RAI1: variants seen among roughly 807,000 people sequenced by gnomAD.
RAI1 encodes the protein retinoic acid-induced protein 1.
Under a neutral mutation model 123.8 loss-of-function variants are expected in RAI1, and 9 were observed. The observed-to-expected ratio is 0.07, with a 90% CI of 0.04 to 0.13. RAI1 has a LOEUF of 0.13. Among genes scored for constraint, RAI1 ranks in the 10% least tolerant of loss-of-function variants. RAI1 has a pLI of 1.00. For missense variants in RAI1, 2,256 were observed against 2,545.8 expected (o/e 0.89, Z 2.45); for synonymous variants, 1,231 against 1,127.3 (o/e 1.09, Z -1.84).
chr17:17,709,002 G>T (rs1294492112), intron 1 of RAI1, among the ~76,000 whole-genome samples: 1 of 152,218 alleles, frequency 6.6e-6, no homozygotes, highest in African/African-American at 2.4e-5. Flanking sequence ...TGCAGAGTGG[G>T]CCAGGACATG....
Position 17,794,571 on chromosome 17 carries a change from G to C in RAI1, c.1623G>C (p.Arg541Ser). The C allele has an allele frequency of 1.2e-6, 2 of 1,613,202 alleles. No homozygotes were observed. The highest frequency in any genetic ancestry group is 1.7e-6 in the Non-Finnish European group (2 of 1,180,038). The change falls in exon 3 of 6, where the codon AGG (arginine) becomes AGC (serine). Residue 541 changes from arginine (R) to serine (S), a missense_variant. Physicochemically the swap from Arg to Ser is moderately radical, Grantham distance 110 (BLOSUM62 -1). Transcript: ENST00000353383. Reference protein sequence around the residue: ...YCNQARGSPARVNSNSKAKPE... With the variant: ...YCNQARGSPASVNSNSKAKPE... ...ACCAGGCCCGTGGCAGCCCTGCCAG[G>C]GTCAACAGCAACTCGAAGGCCAAGC...
intron 2 of RAI1, among the ~76,000 whole-genome samples, chr17:17,771,235 G>A (rs2031145144): frequency 6.6e-6 from 1 of 152,232 alleles, no homozygotes; most frequent in African/African-American, 2.4e-5. Flanking sequence ...AACAAAAATA[G>A]CAGTGGCTTT....
rs1567818181 is a variant in RAI1, at chr17:17,685,217, G to A, written c.-149+3424G>A. Among the ~76,000 whole-genome samples, 1 of 152,234 alleles carries A rather than the reference G, an allele frequency of 6.6e-6. No homozygotes were observed. The highest frequency in any genetic ancestry group is 1.5e-5 in the Non-Finnish European group (1 of 68,044). On this transcript the variant is annotated intron_variant, in intron 1 of 5. Coordinates refer to ENST00000353383, the MANE Select transcript of RAI1 (RefSeq NM_030665.4). This position sits in a 1 kb window ranked among gnomAD's most constrained non-coding sequence, Gnocchi z 4.0. ...CAACAGCAACGGTGTGCGCAGAGCA[G>A]CGTCTCTGCGGGAGAGGCACCTGGG...
chr17:17,741,900 C>T (rs180783775), intron 2 of RAI1, among the ~76,000 whole-genome samples: 4 of 152,324 alleles, frequency 2.6e-5, no homozygotes, highest in East Asian at 3.9e-4. Flanking sequence ...AGGGAGATGA[C>T]GATAGAACAG....
chr17:17,740,098 AG>A (rs1916571686), intron 2 of RAI1, among the ~76,000 whole-genome samples: 1 of 152,182 alleles, frequency 6.6e-6, no homozygotes. Context: ...CATCCATTGA[AG>A]GGGGTGTTCA....
intron 2 of RAI1, among the ~76,000 whole-genome samples, chr17:17,784,170 C>T (rs936856758): frequency 1.3e-5 from 2 of 152,172 alleles, no homozygotes; most frequent in East Asian, 3.9e-4. Flanking sequence ...GCGGCTTCCT[C>T]CCCTGGGGAC....
intron 1 of RAI1, among the ~76,000 whole-genome samples, chr17:17,692,530 CT>C (rs1914875554): frequency 6.6e-6 from 1 of 152,202 alleles, no homozygotes; most frequent in South Asian, 2.1e-4. Context: ...AGTGGCAGAG[CT>C]AGGATTAGAA....
chr17:17,708,411 TACAC>T (rs912201848), intron 1 of RAI1, among the ~76,000 whole-genome samples: 55 of 131,378 alleles, frequency 4.2e-4, no homozygotes, highest in Admixed American at 2.0e-3. Context: ...TATATATATA[TACAC>T]ACACACACAC....
chr17:17,717,576 C>T (rs1232776786), intron 1 of RAI1, among the ~76,000 whole-genome samples: 1 of 152,102 alleles, frequency 6.6e-6, no homozygotes, highest in African/African-American at 2.4e-5. Context: ...ACCCTTCTTT[C>T]CCCTCTCCTT....
chr17:17,803,897 G>A (rs774696905), intron 4 of RAI1, 48 bp downstream of exon 4: 16 of 1,560,020 alleles, frequency 1.0e-5, no homozygotes, highest in Non-Finnish European at 1.4e-5. Context: ...CATCCAAGCA[G>A]TCCAGGGGGA....
chr17:17,688,329 C>G (rs969712214), intron 1 of RAI1, among the ~76,000 whole-genome samples: 12 of 151,992 alleles, frequency 7.9e-5, no homozygotes, highest in African/African-American at 2.7e-4. Flanking sequence ...ACTAAAAATA[C>G]AAAAATTAGT....
intron 2 of RAI1, among the ~76,000 whole-genome samples, chr17:17,785,106 G>A (rs1366405590): frequency 1.3e-5 from 2 of 152,202 alleles, no homozygotes; most frequent in African/African-American, 4.8e-5. Context: ...GCTGTTTCCT[G>A]TGTGTCTCCG....
chr17:17,717,663 C>T (rs974044979), intron 1 of RAI1, among the ~76,000 whole-genome samples: 1 of 152,188 alleles, frequency 6.6e-6, no homozygotes, highest in Non-Finnish European at 1.5e-5. Context: ...CCCAGCCAGC[C>T]TCCTGCCCCC....
chr17:17,766,421 T>C (rs2030934950), intron 2 of RAI1: 1 of 152,100 alleles, frequency 6.6e-6, no homozygotes, highest in African/African-American at 2.4e-5. Flanking sequence ...CCACCACCTC[T>C]CAGCCAGGCG....
intron 2 of RAI1, among the ~76,000 whole-genome samples, chr17:17,736,355 G>T (rs930863810): frequency 2.6e-5 from 4 of 152,182 alleles, no homozygotes; most frequent in Non-Finnish European, 4.4e-5. Flanking sequence ...CCCTCCCAGA[G>T]ACCTTGGCAC....
intron 2 of RAI1, among the ~76,000 whole-genome samples, chr17:17,749,047 C>T (rs952052458): frequency 5.9e-5 from 9 of 152,206 alleles, no homozygotes; most frequent in Non-Finnish European, 1.2e-4. Context: ...CACATCAGCC[C>T]CTGGGGGCCT....
rs191320716 is a variant in RAI1, at chr17:17,746,200, C to T, written c.-17+22041C>T. Among the ~76,000 whole-genome samples the T allele has an allele frequency of 8.5e-5, 13 of 152,340 alleles. No homozygotes were observed. In the East Asian group the frequency reaches 1.5e-3, roughly 18 times the overall value. ...GATAGCCAAGCCCGGCAGATGCCCC[C>T]GGGGGTGCCACCGTGCCCCCACTCG... is the stretch of plus-strand genomic sequence containing the variant. On this transcript the variant is annotated intron_variant, in intron 2 of 5. Coordinates refer to ENST00000353383, the MANE Select transcript of RAI1 (RefSeq NM_030665.4).
At chr17:17,694,226 G>C (rs1408736561) in intron 1 of RAI1, among the ~76,000 whole-genome samples, 1 of 152,200 alleles carries the variant, frequency 6.6e-6, no homozygotes, top group Non-Finnish European at 1.5e-5. Context: ...GGGGAAACGG[G>C]TTCTCTGCCC....
At chr17:17,790,956 C>T (rs189992230) in intron 2 of RAI1, among the ~76,000 whole-genome samples, 29 of 152,342 alleles carry the variant, frequency 1.9e-4, no homozygotes, top group South Asian at 6.2e-4. Flanking sequence ...GTTGGCGCGT[C>T]GCAGCAGGAA....
Sources: allele counts gnomAD v4.1 joint callset (sites outside exome capture counted in the v4.1 genomes callset), GRCh38; gene constraint gnomAD v4.1.1; non-coding constraint Gnocchi (gnomAD v3.1); transcripts MANE v1.5; gene names NCBI Gene and HGNC (gene_info 2026-07-23, HGNC 2026-07-21).